Variants in EML1 observed in about 807,000 individuals in gnomAD.
EML1 encodes the protein echinoderm microtubule-associated protein-like 1.
A neutral mutation model predicts 110.4 loss-of-function variants in EML1; 27 were observed. That is an observed-to-expected ratio of 0.24 (90% CI 0.18 to 0.34). The LOEUF (loss-of-function observed/expected upper bound fraction) is 0.34, where lower values mean the gene tolerates loss of function less well. EML1 is among the 10% of genes least tolerant of loss of function. The probability of loss-of-function intolerance (pLI) is 1.00; values close to 1 mark genes in which losing one functional copy is unlikely to be tolerated. For missense variants in EML1, 741 were observed against 1,030.9 expected, an observed-to-expected ratio of 0.72 and a Z score of 3.85; for synonymous variants, 344 against 385.8, an observed-to-expected ratio of 0.89 and a Z score of 1.27.
chr14:99,844,501 A>ATTTTTTTTTTTTTTTTTTG (rs1479412895), intron 1 of EML1, among the ~76,000 whole-genome samples: 5 of 151,976 alleles, frequency 3.3e-5, no homozygotes, highest in Non-Finnish European at 5.9e-5. Context: ...AAAATTGGCA[A>ATTTTTTTTTTTTTTTTTTG]AACCAATGAG....
chr14:99,858,281 T>C (rs532843303), intron 2 of EML1, among the ~76,000 whole-genome samples: 1 of 152,024 alleles, frequency 6.6e-6, no homozygotes, highest in South Asian at 2.1e-4. Flanking sequence ...GCCTCCCAGA[T>C]TCAAGCGATT....
At chr14:99,796,768 TTCGAGGCC>T (rs2057782898) in intron 1 of EML1, among the ~76,000 whole-genome samples, 1 of 152,146 alleles carries the variant, frequency 6.6e-6, no homozygotes, top group South Asian at 2.1e-4. Flanking sequence ...CCATATTTTC[TTCGAGGCC>T]TCATTTTGAA....
intron 13 of EML1, 70 bp downstream of exon 13, chr14:99,911,646 A>T: frequency 6.6e-7 from 1 of 1,524,140 alleles, no homozygotes; most frequent in East Asian, 2.4e-5. Context: ...TATTAGTTTG[A>T]AATCTGTATC....
intron 17 of EML1, among the ~76,000 whole-genome samples, chr14:99,930,078 A>G (rs11844953): frequency 0.41 from 62,114 of 152,002 alleles, 15,659 homozygotes; most frequent in African/African-American, 0.72. Flanking sequence ...AGGCAGGTGG[A>G]CACTGACCCT....
At chr14:99,739,111 AGAGAGAGAGTGTGTGTGT>A (rs1228367679) in intron 1 of EML1, among the ~76,000 whole-genome samples, 2 of 94,480 alleles carry the variant, frequency 2.1e-5, no homozygotes, top group African/African-American at 3.6e-5. Context: ...AGACAGAGAG[AGAGAGAGAGTGTGTGTGT>A]GTGTGTGTGT....
intron 2 of EML1, 70 bp downstream of exon 2, chr14:99,851,105 C>A: frequency 6.7e-7 from 1 of 1,490,810 alleles, no homozygotes. Flanking sequence ...CTAGCAAACA[C>A]ATTGTGCTCT....
intron 1 of EML1, among the ~76,000 whole-genome samples, chr14:99,835,247 T>C (rs2058520859): frequency 6.6e-6 from 1 of 152,254 alleles, no homozygotes; most frequent in African/African-American, 2.4e-5. Flanking sequence ...AGTTACTGAA[T>C]TTATTGGCAT....
At chr14:99,752,672 C>T (rs941517480) in intron 1 of EML1, among the ~76,000 whole-genome samples, 3 of 152,140 alleles carry the variant, frequency 2.0e-5, no homozygotes, top group Non-Finnish European at 4.4e-5. Flanking sequence ...GCCTCCAGAC[C>T]CTGACCCTTG....
chr14:99,886,991 A>G (rs2059488182), intron 4 of EML1, among the ~76,000 whole-genome samples: 1 of 152,244 alleles, frequency 6.6e-6, no homozygotes, highest in South Asian at 2.1e-4. Flanking sequence ...ACGTGTTCAC[A>G]GCTGCCTCTG....
At chr14:99,896,160 GA>G (rs963614369) in intron 6 of EML1, among the ~76,000 whole-genome samples, 41 of 150,412 alleles carry the variant, frequency 2.7e-4, no homozygotes, top group African/African-American at 5.1e-4. Context: ...GATTTTAAGG[GA>G]AAAAAAAAAT....
At chr14:99,865,684 C>T (rs1439480621) in intron 3 of EML1, 38 bp downstream of exon 3, 1 of 1,603,622 alleles carries the variant, frequency 6.2e-7, no homozygotes, top group East Asian at 2.2e-5. Context: ...ACTCTCAAAG[C>T]AGTTCTCTCT....
At chr14:99,882,895 C>A (rs7157652) in intron 4 of EML1, among the ~76,000 whole-genome samples, 4,837 of 151,954 alleles carry the variant, frequency 0.032, 279 homozygotes, top group African/African-American at 0.11. Context: ...TGTGTTGTGC[C>A]CCCTCAACCC....
At chr14:99,814,043 G>C (rs920684471) in intron 1 of EML1, among the ~76,000 whole-genome samples, 1 of 152,154 alleles carries the variant, frequency 6.6e-6, no homozygotes, top group Non-Finnish European at 1.5e-5. Flanking sequence ...GAAGAGCTAT[G>C]TATTTGTCAC....
In EML1 at chr14:99,911,646, A is replaced by G. The variant is rs2059948602; in HGVS notation, c.1494+70A>G. On this transcript the variant is annotated intron_variant, in intron 13 of 21. Coordinates refer to ENST00000262233, the MANE Select transcript of EML1 (RefSeq NM_004434.3). ...CTGTTATCCTTTTTTTATTAGTTTG[A>G]AATCTGTATCTTACAGTTTTGAAAA... 2.0e-6 allele frequency: 3 copies of G among 1,524,140 alleles called. No individual in the cohort carries two copies. The South Asian group carries it at 3.8e-5, about 19-fold the overall frequency. 94.4% of individuals were successfully genotyped at this position (1,524,140 alleles called of 1,614,324 possible). A position where few individuals can be genotyped will look rare whatever the true frequency, so the allele number is the denominator to read the frequency against.
At chr14:99,843,104 A>G (rs539251818) in intron 1 of EML1, among the ~76,000 whole-genome samples, 6 of 152,152 alleles carry the variant, frequency 3.9e-5, no homozygotes, top group Non-Finnish European at 8.8e-5. Context: ...AAGTTTAAAA[A>G]TTACCTAGAT....
At chr14:99,813,824 T>A (rs948862369) in intron 1 of EML1, among the ~76,000 whole-genome samples, 6 of 152,208 alleles carry the variant, frequency 3.9e-5, no homozygotes, top group African/African-American at 1.4e-4. Context: ...CAATTGGAAT[T>A]GAGACTTGAG....
rs956227115 is a variant in EML1, at chr14:99,939,383, C to A, written c.2322+56C>A. On this transcript the variant is annotated intron_variant, in intron 21 of 21. Coordinates refer to ENST00000262233, the MANE Select transcript of EML1 (RefSeq NM_004434.3). This position sits in a 1 kb window ranked among gnomAD's most constrained non-coding sequence, Gnocchi z 4.2. ...CCCCCATGGGGCATGCACGTACACCCGACCTGTTTGGAGACTAAGTGGAAA... is the reference window on the plus strand; with the variant it reads ...CCCCCATGGGGCATGCACGTACACCAGACCTGTTTGGAGACTAAGTGGAAA... The A allele has an allele frequency of 2.5e-6, 4 of 1,600,148 alleles. No homozygotes were observed. The Admixed American group carries it at 6.8e-5, about 27-fold the overall frequency.
At chr14:99,817,933 G>T (rs532666104) in intron 1 of EML1, among the ~76,000 whole-genome samples, 1 of 152,306 alleles carries the variant, frequency 6.6e-6, no homozygotes, top group East Asian at 1.9e-4. Context: ...GGTGTTTCCT[G>T]GAGGAAGTAT....
intron 1 of EML1, among the ~76,000 whole-genome samples, chr14:99,749,201 G>C (rs893574644): frequency 6.6e-6 from 1 of 152,158 alleles, no homozygotes; most frequent in Non-Finnish European, 1.5e-5. Context: ...CGGATCATAC[G>C]GTGACTCTAT....
Sources: gnomAD v4.1 joint callset for allele counts (sites outside exome capture counted in the v4.1 genomes callset) on GRCh38, gnomAD v4.1.1 for gene constraint, Gnocchi (gnomAD v3.1) non-coding constraint, MANE v1.5 for transcripts, NCBI Gene and HGNC (gene_info 2026-07-23, HGNC 2026-07-21) for gene names.